RGPD8: variants seen among roughly 807,000 people sequenced by gnomAD.
RGPD8 encodes the protein RANBP2-like and GRIP domain-containing protein 8.
Under a neutral mutation model 89.1 loss-of-function variants are expected in RGPD8, and 15 were observed. The observed-to-expected ratio is 0.17, with a 90% CI of 0.11 to 0.26. The LOEUF (loss-of-function observed/expected upper bound fraction) is 0.26. Among genes scored for constraint, RGPD8 ranks in the 10% least tolerant of loss-of-function variants. RGPD8 has a pLI of 1.00. For missense variants in RGPD8, 178 were observed against 1,179.6 expected (o/e 0.15, Z 12.44); for synonymous variants, 62 against 420.9 (o/e 0.15, Z 10.44).
intron 6 of RGPD8, among the ~76,000 whole-genome samples, chr2:112,415,326 G>A (rs1212186020): frequency 7.1e-4 from 108 of 151,894 alleles, no homozygotes; most frequent in African/African-American, 2.1e-3. Context: ...TTCACAAGGC[G>A]GGTAACAAAG....
At chr2:112,382,733 AT>A (rs1319649744) in intron 20 of RGPD8, among the ~76,000 whole-genome samples, 1 of 142,600 alleles carries the variant, frequency 7.0e-6, no homozygotes, top group Non-Finnish European at 1.5e-5. Context: ...AAAATATCAA[AT>A]GATAAGAGTA....
At chr2:112,409,481 GAGGGAA>G in intron 7 of RGPD8, among the ~76,000 whole-genome samples, 1 of 134,170 alleles carries the variant, frequency 7.5e-6, no homozygotes, top group Non-Finnish European at 1.5e-5. Context: ...AATGGATTAA[GAGGGAA>G]ACTAACTTAT....
At chr2:112,408,764 T>G (rs1356146990) in intron 7 of RGPD8, among the ~76,000 whole-genome samples, 1 of 151,454 alleles carries the variant, frequency 6.6e-6, no homozygotes. Context: ...CTCCGCCTCC[T>G]GGTTTCAAGC....
chr2:112,422,305 AATT>A (rs1679588889), intron 3 of RGPD8, among the ~76,000 whole-genome samples, 193 bp from the exon 4 acceptor site: 1 of 143,176 alleles, frequency 7.0e-6, no homozygotes, highest in Non-Finnish European at 1.5e-5. Context: ...ATCAAATAAA[AATT>A]ATATTTGTGT....
chr2:112,432,954 C>T (rs1341033827), intron 1 of RGPD8, among the ~76,000 whole-genome samples: 2 of 139,490 alleles, frequency 1.4e-5, no homozygotes, highest in Admixed American at 7.0e-5. Flanking sequence ...TCGAGGCCGC[C>T]GCCGGGCCGG....
chr2:112,375,012 G>A (rs570191607), intron 22 of RGPD8, among the ~76,000 whole-genome samples: 16 of 132,824 alleles, frequency 1.2e-4, no homozygotes, highest in East Asian at 2.7e-4. Context: ...ACAGGCATGC[G>A]CCACCATGCC....
chr2:112,424,842 G>A (rs1319520443), intron 1 of RGPD8, among the ~76,000 whole-genome samples: 6 of 150,344 alleles, frequency 4.0e-5, no homozygotes. Flanking sequence ...CAAGGTGGGA[G>A]GCTAGCTTTG....
chr2:112,427,124 A>T (rs1378558935), intron 1 of RGPD8, among the ~76,000 whole-genome samples: 1 of 152,106 alleles, frequency 6.6e-6, no homozygotes, highest in Non-Finnish European at 1.5e-5. Context: ...GAAGAAATAG[A>T]TTCAAGGTAC....
chr2:112,371,824 T>C (rs1677973494), intron 22 of RGPD8, among the ~76,000 whole-genome samples: 1 of 147,128 alleles, frequency 6.8e-6, no homozygotes, highest in African/African-American at 2.6e-5. Flanking sequence ...TACGTATATA[T>C]GTATGACAGT....
chr2:112,415,759 T>TGTA (rs1195138660), intron 6 of RGPD8, among the ~76,000 whole-genome samples: 2 of 131,576 alleles, frequency 1.5e-5, no homozygotes, highest in Non-Finnish European at 3.1e-5. Context: ...GTCGGGCACA[T>TGTA]GTAGTCCCAC....
At chr2:112,429,576 T>C (rs891497128) in intron 1 of RGPD8, among the ~76,000 whole-genome samples, 12 of 152,036 alleles carry the variant, frequency 7.9e-5, no homozygotes, top group African/African-American at 2.4e-4. Flanking sequence ...TGCCTGCCTG[T>C]AGTCCTAAGT....
chr2:112,428,879 T>C (rs2104404286), intron 1 of RGPD8, among the ~76,000 whole-genome samples: 1 of 151,648 alleles, frequency 6.6e-6, no homozygotes. Context: ...CACACCAGCA[T>C]GGCACATGTA....
chr2:112,432,859 C>T (rs1484146754), intron 1 of RGPD8, among the ~76,000 whole-genome samples: 13 of 152,194 alleles, frequency 8.5e-5, no homozygotes, highest in Non-Finnish European at 1.6e-4. Flanking sequence ...AGCGCCACGC[C>T]GCCCACAGGA....
chr2:112,426,724 C>A (rs1197604742), intron 1 of RGPD8, among the ~76,000 whole-genome samples: 1 of 150,362 alleles, frequency 6.7e-6, no homozygotes, highest in Non-Finnish European at 1.5e-5. Flanking sequence ...GGCGACAGAG[C>A]AAGACTCCGT....
At chr2:112,408,569 A>G (rs1679029915) in intron 7 of RGPD8, among the ~76,000 whole-genome samples, 2 of 149,274 alleles carry the variant, frequency 1.3e-5, no homozygotes, top group East Asian at 4.0e-4. Flanking sequence ...ACTGACCTCA[A>G]TTCATAAACC....
At chr2:112,395,695 A>AT (rs1678805842) in intron 17 of RGPD8, among the ~76,000 whole-genome samples, 1 of 134,976 alleles carries the variant, frequency 7.4e-6, no homozygotes, top group South Asian at 2.7e-4. Flanking sequence ...CTTAATTTTT[A>AT]CACCATCTAC....
intron 22 of RGPD8, 27 bp from the exon 23 acceptor site, chr2:112,370,239 A>G: frequency 7.0e-6 from 10 of 1,431,652 alleles, no homozygotes; most frequent in South Asian, 2.5e-5. Flanking sequence ...AAAGAAAAAA[A>G]AAAGAAAAAA....
Position 112,380,800 on chromosome 2 carries a change from G to A in RGPD8, c.5061+24C>T, listed in dbSNP as rs770930708. 3.4e-5 allele frequency: 47 copies of A among 1,384,736 alleles called. 4 individuals carry two copies. The highest frequency in any genetic ancestry group is 7.1e-5 in the African/African-American group (5 of 70,888). The allele number at this position is 1,384,736 out of a possible 1,614,324, so 85.8% of individuals were successfully genotyped here. A position where few individuals can be genotyped will look rare whatever the true frequency, so the allele number is the denominator to read the frequency against. Reference sequence around the variant, plus strand: ...AGAAAACCAAACTGGCGGTTTTCACGGTGGCCAGGTTTTCTGATCTCACCT... The same window carrying A: ...AGAAAACCAAACTGGCGGTTTTCACAGTGGCCAGGTTTTCTGATCTCACCT... On this transcript the variant is annotated intron_variant, in intron 21 of 22. Coordinates refer to ENST00000302558, the MANE Select transcript of RGPD8 (RefSeq NM_001164463.1).
At chr2:112,422,494 C>T in intron 3 of RGPD8, 54 bp downstream of exon 3, 2 of 1,594,836 alleles carry the variant, frequency 1.3e-6, no homozygotes, top group East Asian at 2.2e-5. Context: ...ATAAATTTCT[C>T]TGGGCATCAT....
Sources: allele counts gnomAD v4.1 joint callset (sites outside exome capture counted in the v4.1 genomes callset), GRCh38; gene constraint gnomAD v4.1.1; transcripts MANE v1.5; gene names NCBI Gene and HGNC (gene_info 2026-07-23, HGNC 2026-07-21).